Variants in DIP2C observed in about 807,000 individuals in gnomAD.
The protein encoded by DIP2C is DIP2 acetate--CoA ligase C (putative), also known as disco-interacting protein 2 homolog C.
Under a neutral mutation model 192.4 loss-of-function variants are expected in DIP2C, and 33 were observed. The observed-to-expected ratio is 0.17, with a 90% confidence interval of 0.13 to 0.23. DIP2C has a LOEUF of 0.23. DIP2C is among the 10% of genes least tolerant of loss of function. The probability of loss-of-function intolerance (pLI) is 1.00; values close to 1 mark genes in which losing one functional copy is unlikely to be tolerated. For synonymous variants in DIP2C, 979 were observed against 864.1 expected, an observed-to-expected ratio of 1.13 and a Z score of -2.33; for missense variants, 1,537 against 2,110.1, an observed-to-expected ratio of 0.73 and a Z score of 5.32.
At chr10:372,678 G>A (rs556117805) in intron 17 of DIP2C, among the ~76,000 whole-genome samples, 6 of 149,736 alleles carry the variant, frequency 4.0e-5, no homozygotes, top group East Asian at 1.9e-4. Flanking sequence ...GCACAGAAGC[G>A]CAGGAGGTCC....
At chr10:412,309 G>A (rs897123156) in intron 8 of DIP2C, among the ~76,000 whole-genome samples, 1 of 152,160 alleles carries the variant, frequency 6.6e-6, no homozygotes. Flanking sequence ...ACATGCACCC[G>A]AACAGTTCGG....
chr10:656,064 T>A (rs1856287545), intron 1 of DIP2C, among the ~76,000 whole-genome samples: 1 of 150,064 alleles, frequency 6.7e-6, no homozygotes, highest in Non-Finnish European at 1.5e-5. Context: ...TTGTATACTA[T>A]ATATATAATG....
chr10:595,044 G>A (rs375119324), intron 1 of DIP2C, among the ~76,000 whole-genome samples: 51 of 152,140 alleles, frequency 3.4e-4, no homozygotes, highest in African/African-American at 1.1e-3. Flanking sequence ...TCCGATGCCC[G>A]TTCACATCCA....
intron 7 of DIP2C, among the ~76,000 whole-genome samples, chr10:415,424 C>G (rs554393085): frequency 6.6e-6 from 1 of 152,174 alleles, no homozygotes; most frequent in Non-Finnish European, 1.5e-5. Context: ...GCACTTCACA[C>G]GCCAGTTTTG....
At chr10:559,493 C>T (rs1157123122) in intron 1 of DIP2C, among the ~76,000 whole-genome samples, 3 of 152,154 alleles carry the variant, frequency 2.0e-5, no homozygotes, top group Admixed American at 6.5e-5. Flanking sequence ...CTGGGTTAAT[C>T]GGCACCTTCC....
intron 10 of DIP2C, among the ~76,000 whole-genome samples, chr10:392,313 C>T (rs182640683): frequency 1.9e-4 from 29 of 152,318 alleles, no homozygotes; most frequent in East Asian, 1.3e-3. Context: ...GACGGAGGAA[C>T]GGCTGAGGCC....
At chr10:509,247 C>A (rs1048960939) in intron 1 of DIP2C, among the ~76,000 whole-genome samples, 1 of 152,166 alleles carries the variant, frequency 6.6e-6, no homozygotes, top group African/African-American at 2.4e-5. Context: ...AAGGAAAACC[C>A]GTCCTAACCG....
chr10:354,933 G>C (rs894433309), intron 24 of DIP2C, among the ~76,000 whole-genome samples: 3 of 151,848 alleles, frequency 2.0e-5, no homozygotes, highest in African/African-American at 7.3e-5. Flanking sequence ...GAGATGGGCA[G>C]GAAATCAAGA....
At chr10:608,966 G>C (rs1032263461) in intron 1 of DIP2C, among the ~76,000 whole-genome samples, 3 of 151,300 alleles carry the variant, frequency 2.0e-5, no homozygotes, top group African/African-American at 7.3e-5. Flanking sequence ...TCTATTAGAA[G>C]AATTTGTTCC....
intron 1 of DIP2C, among the ~76,000 whole-genome samples, chr10:498,116 T>C (rs934537982): frequency 3.7e-4 from 57 of 152,340 alleles, no homozygotes; most frequent in African/African-American, 1.3e-3. Context: ...TCCACCCACC[T>C]AGACTTCCCA....
intron 1 of DIP2C, among the ~76,000 whole-genome samples, chr10:489,326 A>G (rs1471890574): frequency 6.6e-6 from 1 of 152,194 alleles, no homozygotes; most frequent in Admixed American, 6.5e-5. Flanking sequence ...ATTTTGAAGA[A>G]CCAATGTTTC....
At chr10:613,499 G>A (rs973961714) in intron 1 of DIP2C, among the ~76,000 whole-genome samples, 6 of 152,222 alleles carry the variant, frequency 3.9e-5, no homozygotes, top group African/African-American at 1.2e-4. Context: ...GGTTCCACTG[G>A]TTTTTCTTGG....
At chr10:398,418 G>A (rs1964158859) in intron 10 of DIP2C, among the ~76,000 whole-genome samples, 1 of 152,178 alleles carries the variant, frequency 6.6e-6, no homozygotes, top group Admixed American at 6.5e-5. Context: ...CCCCACTGCG[G>A]CTTCAAGCTG....
chr10:547,683 G>T (rs562151959), intron 1 of DIP2C, among the ~76,000 whole-genome samples: 7 of 152,184 alleles, frequency 4.6e-5, no homozygotes, highest in African/African-American at 1.7e-4. Flanking sequence ...TGACTTTTCA[G>T]AGATCCAGAG....
chr10:337,926 T>C (rs111569792), intron 29 of DIP2C, among the ~76,000 whole-genome samples: 197 of 150,480 alleles, frequency 1.3e-3, no homozygotes, highest in African/African-American at 4.7e-3. Context: ...GGCTGATGTG[T>C]ATGTGTGTGC....
intron 1 of DIP2C, among the ~76,000 whole-genome samples, chr10:539,510 C>T (rs1266872305): frequency 2.6e-5 from 4 of 152,188 alleles, no homozygotes; most frequent in Non-Finnish European, 5.9e-5. Context: ...GCCCACAGAC[C>T]TTGGTATCCA....
chr10:658,270 C>CCCCTGGACCTGCCCTTGGACCTGT (rs1856528815), intron 1 of DIP2C, among the ~76,000 whole-genome samples: 1 of 145,376 alleles, frequency 6.9e-6, no homozygotes, highest in Non-Finnish European at 1.5e-5. Flanking sequence ...GCTGGACCTG[C>CCCCTGGACCTGCCCTTGGACCTGT]CCCTGGACCT....
chr10:405,252 A>AG (rs1408749352), intron 9 of DIP2C, among the ~76,000 whole-genome samples: 1 of 152,006 alleles, frequency 6.6e-6, no homozygotes, highest in Non-Finnish European at 1.5e-5. Flanking sequence ...CTCCTCTCCC[A>AG]GCTCCTGTTG....
intron 24 of DIP2C, among the ~76,000 whole-genome samples, chr10:355,861 A>C (rs1056640119): frequency 1.3e-5 from 2 of 152,188 alleles, no homozygotes; most frequent in African/African-American, 4.8e-5. Flanking sequence ...TGGATCACTC[A>C]AGGCCAGGAA....
Sources: gnomAD v4.1 joint callset for allele counts (sites outside exome capture counted in the v4.1 genomes callset) on GRCh38, gnomAD v4.1.1 for gene constraint, MANE v1.5 for transcripts, NCBI Gene and HGNC (gene_info 2026-07-23, HGNC 2026-07-21) for gene names.